SORCS3: variants seen among roughly 807,000 people sequenced by gnomAD.
SORCS3 encodes the protein sortilin related VPS10 domain containing receptor 3.
A neutral mutation model predicts 146.3 loss-of-function variants in SORCS3; 57 were observed. That is an observed-to-expected ratio of 0.39 (90% CI 0.31 to 0.49). The LOEUF is 0.49. SORCS3 is among the 20% of genes least tolerant of loss of function. The pLI is 0.92. For synonymous variants in SORCS3, 653 were observed against 618.5 expected, an observed-to-expected ratio of 1.06 and a Z score of -0.83; for missense variants, 1,341 against 1,575.5, an observed-to-expected ratio of 0.85 and a Z score of 2.52.
intron 1 of SORCS3, among the ~76,000 whole-genome samples, chr10:104,695,325 G>A (rs2016161452): frequency 6.6e-6 from 1 of 151,718 alleles, no homozygotes; most frequent in Non-Finnish European, 1.5e-5. Context: ...AGGATGTATT[G>A]GTGGTTTGTT....
chr10:104,723,044 T>C (rs536487987), intron 1 of SORCS3, among the ~76,000 whole-genome samples: 2 of 152,348 alleles, frequency 1.3e-5, no homozygotes, highest in East Asian at 3.9e-4. Flanking sequence ...TTGCTCTTGC[T>C]TCTCTAGTTC....
chr10:104,920,020 C>T (rs192629358), intron 3 of SORCS3, among the ~76,000 whole-genome samples: 26 of 152,174 alleles, frequency 1.7e-4, no homozygotes, highest in African/African-American at 4.6e-4. Flanking sequence ...TCCTTCTTTA[C>T]GTCTTCAAGT....
intron 1 of SORCS3, among the ~76,000 whole-genome samples, chr10:104,731,715 G>A (rs996451122): frequency 6.6e-6 from 1 of 152,188 alleles, no homozygotes; most frequent in Admixed American, 6.5e-5. Context: ...AGCCTGTGTA[G>A]ATTTACCGAG....
At chr10:104,689,547 C>G (rs1342869462) in intron 1 of SORCS3, among the ~76,000 whole-genome samples, 1 of 152,214 alleles carries the variant, frequency 6.6e-6, no homozygotes, top group East Asian at 1.9e-4. Context: ...TTCATGAGAT[C>G]TCAGCTTAAA....
chr10:104,977,977 G>A (rs1014369284), intron 4 of SORCS3, among the ~76,000 whole-genome samples: 10 of 152,028 alleles, frequency 6.6e-5, no homozygotes, highest in African/African-American at 9.6e-5. Context: ...TGATCCGCCC[G>A]CCTCGGCCTC....
chr10:105,075,959 A>G (rs948014499), intron 5 of SORCS3, among the ~76,000 whole-genome samples: 3 of 152,204 alleles, frequency 2.0e-5, no homozygotes, highest in South Asian at 4.1e-4. Context: ...TTACGTTCCA[A>G]CACAAGTTTT....
intron 3 of SORCS3, among the ~76,000 whole-genome samples, chr10:104,948,734 G>A (rs895871626): frequency 2.0e-5 from 3 of 152,178 alleles, no homozygotes; most frequent in African/African-American, 7.2e-5. Context: ...AAGATTTGAT[G>A]TGCCTTTTCT....
At chr10:104,866,917 T>C (rs757987319) in intron 2 of SORCS3, among the ~76,000 whole-genome samples, 4 of 152,200 alleles carry the variant, frequency 2.6e-5, no homozygotes, top group Non-Finnish European at 1.5e-5. Flanking sequence ...GAAGATTTTC[T>C]TGGGTTGTCT....
intron 2 of SORCS3, among the ~76,000 whole-genome samples, chr10:104,895,037 G>A (rs1362356365): frequency 6.6e-6 from 1 of 152,214 alleles, no homozygotes; most frequent in Non-Finnish European, 1.5e-5. Flanking sequence ...CAGGCAGCAG[G>A]TGTGGGGCTC....
chr10:105,163,883 TACACACACACACAC>T (rs67886313), intron 11 of SORCS3, among the ~76,000 whole-genome samples: 16 of 138,714 alleles, frequency 1.2e-4, no homozygotes, highest in East Asian at 6.6e-4. Flanking sequence ...GTTACGCACA[TACACACACACACAC>T]ACACACACAC....
intron 13 of SORCS3, among the ~76,000 whole-genome samples, chr10:105,171,618 T>A (rs2056360912): frequency 6.6e-6 from 1 of 152,178 alleles, no homozygotes; most frequent in African/African-American, 2.4e-5. Flanking sequence ...ACAATACATG[T>A]CTCTGAAAAG....
chr10:104,686,427 C>T (rs1348918085), intron 1 of SORCS3, among the ~76,000 whole-genome samples: 1 of 152,102 alleles, frequency 6.6e-6, no homozygotes, highest in Non-Finnish European at 1.5e-5. Flanking sequence ...TCCTGACTCA[C>T]CCCTGCACCA....
chr10:105,243,154 C>A, intron 20 of SORCS3, among the ~76,000 whole-genome samples: 1 of 148,060 alleles, frequency 6.8e-6, no homozygotes, highest in East Asian at 2.0e-4. Context: ...GGTAATGAAC[C>A]AATTGAAGGT....
intron 3 of SORCS3, among the ~76,000 whole-genome samples, chr10:104,969,780 T>C (rs752783341): frequency 1.5e-4 from 23 of 152,202 alleles, no homozygotes; most frequent in Non-Finnish European, 3.1e-4. Context: ...TATGTTAGTG[T>C]ATGTGTGCTC....
intron 1 of SORCS3, among the ~76,000 whole-genome samples, chr10:104,759,347 C>A (rs780265424): frequency 6.6e-6 from 1 of 152,316 alleles, no homozygotes; most frequent in Non-Finnish European, 1.5e-5. Flanking sequence ...GCCACCCAAA[C>A]TGAGTGGTAC....
chr10:105,133,987 G>A (rs924099324), intron 7 of SORCS3, among the ~76,000 whole-genome samples: 2 of 152,086 alleles, frequency 1.3e-5, no homozygotes, highest in African/African-American at 2.4e-5. Context: ...TACAGCCCGA[G>A]TGTCAAAACA....
At chr10:104,979,420 A>C (rs1305497980) in intron 4 of SORCS3, among the ~76,000 whole-genome samples, 3 of 152,318 alleles carry the variant, frequency 2.0e-5, no homozygotes, top group South Asian at 2.1e-4. Context: ...AATCAGTGAA[A>C]GGAAACAGAT....
chr10:104,691,231 C>A (rs2133422213), intron 1 of SORCS3, among the ~76,000 whole-genome samples: 1 of 152,332 alleles, frequency 6.6e-6, no homozygotes, highest in African/African-American at 2.4e-5. Context: ...ACCTATCAGA[C>A]TCAGACCAGT....
intron 5 of SORCS3, among the ~76,000 whole-genome samples, chr10:105,049,106 C>T (rs1041812321): frequency 2.6e-5 from 4 of 152,078 alleles, no homozygotes; most frequent in Non-Finnish European, 1.5e-5. Flanking sequence ...CAAGTAAAGA[C>T]TTGACTGCAT....
Sources: allele counts gnomAD v4.1 joint callset (sites outside exome capture counted in the v4.1 genomes callset), GRCh38; gene constraint gnomAD v4.1.1; transcripts MANE v1.5; gene names NCBI Gene and HGNC (gene_info 2026-07-23, HGNC 2026-07-21).